Variants in COL4A1 observed in about 807,000 individuals in gnomAD.
The protein encoded by COL4A1 is collagen alpha-1(IV) chain.
In COL4A1, 40 loss-of-function variants were observed where a neutral mutation model predicts 216.6. The observed-to-expected ratio is 0.18, with a 90% CI of 0.14 to 0.24. The LOEUF is 0.24. Ranked by LOEUF, COL4A1 falls within the 10% of genes least tolerant of loss-of-function variation. The pLI, the probability that COL4A1 is intolerant of heterozygous loss-of-function variation, is 1.00. For missense variants in COL4A1, 1,628 were observed against 2,196.8 expected, an observed-to-expected ratio of 0.74 and a Z score of 5.18; for synonymous variants, 839 against 810.7, an observed-to-expected ratio of 1.03 and a Z score of -0.59.
At chr13:110,294,408 G>T (rs556881798) in intron 1 of COL4A1, among the ~76,000 whole-genome samples, 1 of 152,246 alleles carries the variant, frequency 6.6e-6, no homozygotes, top group African/African-American at 2.4e-5. Context: ...AAACACATTT[G>T]CTGTCCACAG....
At chr13:110,167,270 T>C in intron 43 of COL4A1, 40 bp from the exon 44 acceptor site, 1 of 1,503,764 alleles carries the variant, frequency 6.6e-7, no homozygotes, top group Non-Finnish European at 9.3e-7. Flanking sequence ...GCTCAGGATA[T>C]GTAGGTTAAG....
chr13:110,229,378 TAGG>T (rs1385502436), intron 2 of COL4A1, among the ~76,000 whole-genome samples: 4 of 152,210 alleles, frequency 2.6e-5, no homozygotes, highest in Non-Finnish European at 5.9e-5. Context: ...TCTTTCCTCT[TAGG>T]AGGTTTTCAA....
intron 1 of COL4A1, among the ~76,000 whole-genome samples, chr13:110,271,310 A>G (rs1225027294): frequency 2.0e-5 from 3 of 152,214 alleles, no homozygotes; most frequent in African/African-American, 7.2e-5. Flanking sequence ...CAAGATATTC[A>G]TACTGTGTCA....
At chr13:110,271,673 G>A (rs946924099) in intron 1 of COL4A1, among the ~76,000 whole-genome samples, 1 of 152,198 alleles carries the variant, frequency 6.6e-6, no homozygotes. Context: ...CGATGTGACA[G>A]CTAAATGCAA....
intron 2 of COL4A1, among the ~76,000 whole-genome samples, chr13:110,233,403 A>T (rs1413004693): frequency 6.6e-6 from 1 of 152,174 alleles, no homozygotes; most frequent in Non-Finnish European, 1.5e-5. Context: ...GAGGGGAGGG[A>T]AGACACCCTC....
At chr13:110,300,980 A>C (rs1394159142) in intron 1 of COL4A1, among the ~76,000 whole-genome samples, 1 of 152,266 alleles carries the variant, frequency 6.6e-6, no homozygotes, top group East Asian at 1.9e-4. Flanking sequence ...ATGTTTTTAT[A>C]GTATGCAGAT....
intron 1 of COL4A1, among the ~76,000 whole-genome samples, chr13:110,267,155 G>A (rs2139284796): frequency 6.6e-6 from 1 of 152,280 alleles, no homozygotes; most frequent in Middle Eastern, 3.4e-3. Context: ...GCCCACTGGA[G>A]AAAGGATTTC....
intron 1 of COL4A1, among the ~76,000 whole-genome samples, chr13:110,304,864 A>C (rs1447677056): frequency 1.3e-5 from 2 of 152,248 alleles, no homozygotes; most frequent in Non-Finnish European, 2.9e-5. Context: ...GTAAGCCAAC[A>C]GTCACTTCCA....
At chr13:110,276,808 C>T (rs962376326) in intron 1 of COL4A1, among the ~76,000 whole-genome samples, 6 of 152,162 alleles carry the variant, frequency 3.9e-5, no homozygotes, top group Non-Finnish European at 4.4e-5. Flanking sequence ...ATAAAGATAC[C>T]GGGTGCCTTA....
Position 110,176,693 on chromosome 13 carries a change from G to A in COL4A1, c.2901C>T (p.Ser967=). ...CTCCTGGGGTCCCAGGGTCTCCTCGGGATCCCTTCTCACCAATTGGTCCAA... is the reference window on the plus strand; with the variant it reads ...CTCCTGGGGTCCCAGGGTCTCCTCGAGATCCCTTCTCACCAATTGGTCCAA... ...GQIGPIGEKG[S]RGDPGTPGVP... The change falls in exon 35 of 52, where the codon TCC becomes TCT. Residue 967 remains serine (S), a synonymous_variant. Coordinates refer to ENST00000375820, the MANE Select transcript of COL4A1 (RefSeq NM_001845.6). 1 of 1,614,144 alleles carries A rather than the reference G, an allele frequency of 6.2e-7. No homozygotes were observed. Among genetic ancestry groups the A allele is most frequent in the South Asian group, 1.1e-5 (1 of 91,084 alleles).
Position 110,164,997 on chromosome 13 carries a change from G to T in COL4A1, c.4022-7C>A. 1 of 1,602,932 alleles carries T rather than the reference G, an allele frequency of 6.2e-7. No individual in the cohort carries two copies. Among genetic ancestry groups the T allele is most frequent in the South Asian group, 1.1e-5 (1 of 88,606 alleles). On this transcript the variant is annotated splice_polypyrimidine_tract_variant and splice_region_variant and intron_variant, in intron 45 of 51. Transcript: ENST00000375820. ...CCAGGAGGACCCGGGAGACCTGTGG[G>T]AATAGGGAAGGCATTGATCAATTTC...
At chr13:110,247,837 CAGAG>C (rs1367772949) in intron 1 of COL4A1, among the ~76,000 whole-genome samples, 19 of 19,984 alleles carry the variant, frequency 9.5e-4, no homozygotes, top group African/African-American at 1.2e-3. Flanking sequence ...GTGTGTGTGG[CAGAG>C]AGAGAGGGAG....
intron 29 of COL4A1, among the ~76,000 whole-genome samples, chr13:110,179,629 T>C (rs1261251473): frequency 6.6e-6 from 1 of 152,180 alleles, no homozygotes; most frequent in Non-Finnish European, 1.5e-5. Flanking sequence ...TGGGTAACTT[T>C]CATTGTTTTC....
In COL4A1 at chr13:110,150,236, T is replaced by C. The variant is rs1445690133; in HGVS notation, c.*127A>G. ...AGGGTGTGTTAGTTACGCAAATTCCTATAAGGCACTTTACGGTTTTCATAT... is the reference window on the plus strand; with the variant it reads ...AGGGTGTGTTAGTTACGCAAATTCCCATAAGGCACTTTACGGTTTTCATAT... On this transcript the variant is annotated 3_prime_UTR_variant, in exon 52 of 52. Transcript: ENST00000375820. 3 of 900,332 alleles carry C rather than the reference T, an allele frequency of 3.3e-6. No individual in the cohort carries two copies. The highest frequency in any genetic ancestry group is 5.3e-6 in the Non-Finnish European group (3 of 564,314). The allele number at this position is 900,332 out of a possible 1,614,324, so 55.8% of individuals were successfully genotyped here.
In COL4A1 at chr13:110,178,206, C is replaced by T. The variant is rs141246689; in HGVS notation, c.2484G>A (p.Lys828=). ...LSGPPGIKGE[K]GFPGFPGLDM... ...CCAGTCCAGGGAATCCGGGGAAACC[C>T]TTCTCTCCTTTTATTCCAGGAGGGC... The change falls in exon 32 of 52, where the codon AAG becomes AAA. Residue 828 remains lysine, a synonymous_variant. Coordinates refer to ENST00000375820, the MANE Select transcript of COL4A1 (RefSeq NM_001845.6). The T allele has an allele frequency of 9.9e-6, 16 of 1,614,094 alleles. No individual in the cohort carries two copies. The African/African-American group carries it at 2.1e-4, about 22-fold the overall frequency.
At chr13:110,302,135 G>T (rs1345352819) in intron 1 of COL4A1, among the ~76,000 whole-genome samples, 1 of 152,150 alleles carries the variant, frequency 6.6e-6, no homozygotes, top group Non-Finnish European at 1.5e-5. Context: ...CATCCAGAAA[G>T]AAGTAGGAGA....
At chr13:110,277,215 T>C (rs1883465451) in intron 1 of COL4A1, among the ~76,000 whole-genome samples, 1 of 152,232 alleles carries the variant, frequency 6.6e-6, no homozygotes, top group Admixed American at 6.5e-5. Flanking sequence ...TCTTAAGCTA[T>C]TTTTATTGGA....
At chr13:110,269,616 G>C (rs955690979) in intron 1 of COL4A1, among the ~76,000 whole-genome samples, 1 of 152,048 alleles carries the variant, frequency 6.6e-6, no homozygotes, top group African/African-American at 2.4e-5. Flanking sequence ...CTGGGTCTCT[G>C]GGGGCTGGCT....
At chr13:110,304,046 A>G (rs2131940) in intron 1 of COL4A1, among the ~76,000 whole-genome samples, 51,612 of 152,122 alleles carry the variant, frequency 0.34, 8,849 homozygotes, top group Admixed American at 0.39. Context: ...TATTAATAAT[A>G]TATAGCATTG....
Sources: gnomAD v4.1 joint callset for allele counts (sites outside exome capture counted in the v4.1 genomes callset) on GRCh38, gnomAD v4.1.1 for gene constraint, MANE v1.5 for transcripts, NCBI Gene and HGNC (gene_info 2026-07-23, HGNC 2026-07-21) for gene names.